FLOT2: variants seen among roughly 807,000 people sequenced by gnomAD.
The protein encoded by FLOT2 is flotillin-2.
FLOT2 carries 35 observed loss-of-function variants against 54.9 expected under a neutral mutation model. The observed-to-expected ratio is 0.64, with a 90% CI of 0.49 to 0.84. The LOEUF (loss-of-function observed/expected upper bound fraction) is 0.84, where lower values mean the gene tolerates loss of function less well. Ranked by LOEUF, FLOT2 falls within the 40% of genes least tolerant of loss-of-function variation. The pLI, the probability that FLOT2 is intolerant of heterozygous loss-of-function variation, is 0.00. For missense variants in FLOT2, 464 were observed against 572.1 expected (o/e 0.81, Z 1.93); for synonymous variants, 207 against 228.9 (o/e 0.90, Z 0.86).
Position 28,883,570 on chromosome 17 carries a change from G to A in FLOT2, c.223-339C>T, listed in dbSNP as rs1479517291. On this transcript the variant is annotated intron_variant, in intron 3 of 10. Coordinates refer to ENST00000394908, the MANE Select transcript of FLOT2 (RefSeq NM_004475.3). This position sits in a 1 kb window ranked among gnomAD's most constrained non-coding sequence, Gnocchi z 5.0. ...ACACGTGGGAGACCCTCAGGCTGAGGGGCAGAGAGTATGAGAAGCAGAATG... is the reference window on the plus strand; with the variant it reads ...ACACGTGGGAGACCCTCAGGCTGAGAGGCAGAGAGTATGAGAAGCAGAATG... Among the ~76,000 whole-genome samples, 1 of 152,128 alleles carries A rather than the reference G, an allele frequency of 6.6e-6. No homozygotes were observed. The highest frequency in any genetic ancestry group is 2.4e-5 in the African/African-American group (1 of 41,414).
rs2039598072 is a variant in FLOT2, at chr17:28,888,971, G to A, written c.105C>T (p.Ala35=). 1 of 1,613,932 alleles carries A rather than the reference G, an allele frequency of 6.2e-7. No individual in the cohort carries two copies. Among genetic ancestry groups the A allele is most frequent in the Admixed American group, 1.7e-5 (1 of 59,994 alleles). The change falls in exon 2 of 11, where the codon GCC becomes GCT. Residue 35 remains alanine (A), a synonymous_variant. Coordinates refer to ENST00000394908, the MANE Select transcript of FLOT2 (RefSeq NM_004475.3). ...TCTGAGTGTCGGAGATACACCACCA[G>A]GCCCAGGCCCAGCCGCCAAACACGT... ...KQYVFGGWAW[A]WWCISDTQRI... is the part of the protein sequence containing the mutation.
At chr17:28,895,142 GCCT>G (rs1443816431) in intron 1 of FLOT2, among the ~76,000 whole-genome samples, 2 of 151,714 alleles carry the variant, frequency 1.3e-5, no homozygotes, top group Non-Finnish European at 2.9e-5. Flanking sequence ...CAAACTCCTG[GCCT>G]CGAGTGATCC....
intron 8 of FLOT2, 76 bp from the exon 9 acceptor site, chr17:28,881,451 C>A: frequency 1.4e-6 from 2 of 1,439,078 alleles, no homozygotes; most frequent in Middle Eastern, 1.8e-4. Flanking sequence ...GGCCAGCAAA[C>A]CTTCAAACCC....
chr17:28,884,099 G>T lies in FLOT2; in HGVS notation c.222+126C>A. The stretch of plus-strand genomic sequence containing the variant: ...CGACCTGACTAGCCCTCTCTTGTGG[G>T]ACTTGCGGGGGCTGGGGTGCTGGAG... On this transcript the variant is annotated intron_variant, in intron 3 of 10. Transcript: ENST00000394908. The surrounding 1 kb of genome is among the most constrained non-coding windows in gnomAD (Gnocchi z 5.1). 1.3e-6 allele frequency: 1 copy of T among 757,800 alleles called. No individual in the cohort carries two copies. The allele number at this position is 757,800 out of a possible 1,614,324, so 46.9% of individuals were successfully genotyped here.
intron 1 of FLOT2, among the ~76,000 whole-genome samples, chr17:28,896,889 C>T (rs966390769): frequency 1.1e-4 from 16 of 152,196 alleles, no homozygotes; most frequent in Admixed American, 6.5e-5. Context: ...CCCAGTACCG[C>T]AGTCCCCATG....
rs755423739 is a variant in FLOT2 at position 28,882,541 on chromosome 17, G to A, written c.465+32C>T. On this transcript the variant is annotated intron_variant, in intron 5 of 10. Transcript: ENST00000394908. This position sits in a 1 kb window ranked among gnomAD's most constrained non-coding sequence, Gnocchi z 5.6. ...CAAAGCCACCATCTCCCAGATGGAC[G>A]CCAGGAGATACAGCTTCCCATCACG... 45 of 1,578,376 alleles carry A rather than the reference G, an allele frequency of 2.9e-5. No individual in the cohort carries two copies. Among genetic ancestry groups the A allele is most frequent in the African/African-American group, 2.0e-4 (15 of 74,256 alleles).
intron 1 of FLOT2, among the ~76,000 whole-genome samples, chr17:28,895,912 G>A (rs2039733486): frequency 6.6e-6 from 1 of 152,176 alleles, no homozygotes; most frequent in Admixed American, 6.5e-5. Context: ...CTTAGACACA[G>A]GTCCAAGGAG....
rs953788381 is a variant in FLOT2 at position 28,882,227 on chromosome 17, C to A, written c.590G>T (p.Cys197Phe). ...ERDAGIREAE[C>F]KKEMLDVKFM... ...CTTCACATCCAGCATCTCCTTCTTGCACTCAGCTTCCTGGGGACAAAAGGG... is the reference window on the plus strand; with the variant it reads ...CTTCACATCCAGCATCTCCTTCTTGAACTCAGCTTCCTGGGGACAAAAGGG... Residue 197 changes from cysteine to phenylalanine, a missense_variant, in exon 7 of 11, where the codon TGC becomes TTC. Coordinates refer to ENST00000394908, the MANE Select transcript of FLOT2 (RefSeq NM_004475.3). The surrounding 1 kb of genome is among the most constrained non-coding windows in gnomAD (Gnocchi z 5.6). 1.2e-6 allele frequency: 2 copies of A among 1,614,210 alleles called. No individual in the cohort carries two copies. Among genetic ancestry groups the A allele is most frequent in the African/African-American group, 2.7e-5 (2 of 75,064 alleles).
rs1445177305 is a variant in FLOT2, at chr17:28,880,724, C to A, written c.1237G>T (p.Asp413Tyr). 6.2e-7 allele frequency: 1 copy of A among 1,614,230 alleles called. No homozygotes were observed. Among genetic ancestry groups the A allele is most frequent in the East Asian group, 2.2e-5 (1 of 44,894 alleles). ...AGGCAGGCACATACCTTAGACAGGT[C>A]CACGCCTGTGAGGGCATGCACAGAG... Reference protein sequence around the residue: ...PASVHALTGVDLSKIPLIKKA... With the variant: ...PASVHALTGVYLSKIPLIKKA... Residue 413 changes from aspartate to tyrosine, a missense_variant, in exon 10 of 11, where the codon GAC becomes TAC. Asp to Tyr is a radical substitution (Grantham distance 160, BLOSUM62 -3). Coordinates refer to ENST00000394908, the MANE Select transcript of FLOT2 (RefSeq NM_004475.3).
chr17:28,880,462 G>C lies in FLOT2; in HGVS notation c.*99C>G. On this transcript the variant is annotated 3_prime_UTR_variant, in exon 11 of 11. Coordinates refer to ENST00000394908, the MANE Select transcript of FLOT2 (RefSeq NM_004475.3). ...AGCACTTCTGGTCCCTTCGAGATAA[G>C]GCACCAGAGTCAGTAACGTTCCCGT... 2 of 1,543,048 alleles carry C rather than the reference G, an allele frequency of 1.3e-6. No individual in the cohort carries two copies. Among genetic ancestry groups the C allele is most frequent in the Non-Finnish European group, 1.7e-6 (2 of 1,144,596 alleles).
In FLOT2 at chr17:28,883,291, A is replaced by G; in HGVS notation, c.223-60T>C. On this transcript the variant is annotated intron_variant, in intron 3 of 10. Coordinates refer to ENST00000394908, the MANE Select transcript of FLOT2 (RefSeq NM_004475.3). This position sits in a 1 kb window ranked among gnomAD's most constrained non-coding sequence, Gnocchi z 5.0. The stretch of plus-strand genomic sequence containing the variant: ...GGAGCGAGGCAGACAAAGGCCCCAG[A>G]CCCAGAGGTAGGCAGGATGGTGGCT... 1 of 1,605,910 alleles carries G rather than the reference A, an allele frequency of 6.2e-7. No homozygotes were observed. Among genetic ancestry groups the G allele is most frequent in the African/African-American group, 1.3e-5 (1 of 74,828 alleles).
rs1235475184 is a variant in FLOT2 at position 28,884,747 on chromosome 17, G to C, written c.132-432C>G. 1.3e-5 allele frequency among the ~76,000 whole-genome samples: 2 copies of C among 152,148 alleles called. No homozygotes were observed. Among genetic ancestry groups the C allele is most frequent in the Non-Finnish European group, 2.9e-5 (2 of 68,008 alleles). ...CACAGGGGCCCTTGCCCATTCCTTG[G>C]TCTACCCAGCACCCCAGGGTGCCCC... On this transcript the variant is annotated intron_variant, in intron 2 of 10. Coordinates refer to ENST00000394908, the MANE Select transcript of FLOT2 (RefSeq NM_004475.3). The surrounding 1 kb of genome is among the most constrained non-coding windows in gnomAD (Gnocchi z 5.1).
At chr17:28,885,541 C>A (rs1410366869) in intron 2 of FLOT2, 11 of 714,584 alleles carry the variant, frequency 1.5e-5, no homozygotes, top group Non-Finnish European at 2.9e-5. Context: ...TAATTAACAC[C>A]CAAGCCCAAG....
At chr17:28,893,550 C>T (rs2039689273) in intron 1 of FLOT2, among the ~76,000 whole-genome samples, 1 of 152,066 alleles carries the variant, frequency 6.6e-6, no homozygotes, top group Admixed American at 6.6e-5. Flanking sequence ...CATCGCAATG[C>T]CTGTCTAATT....
At chr17:28,886,051 C>G in intron 2 of FLOT2, 18 of 410,408 alleles carry the variant, frequency 4.4e-5, no homozygotes, top group South Asian at 9.8e-5. Flanking sequence ...TGCCTGACGC[C>G]TGGGGGCGGG....
chr17:28,895,641 C>T (rs1277265408), intron 1 of FLOT2, among the ~76,000 whole-genome samples: 2 of 152,174 alleles, frequency 1.3e-5, no homozygotes, highest in Non-Finnish European at 2.9e-5. Flanking sequence ...TTGTTGCCAA[C>T]ATTCATAATC....
chr17:28,890,425 C>A (rs916216938), intron 1 of FLOT2, among the ~76,000 whole-genome samples: 3 of 147,378 alleles, frequency 2.0e-5, no homozygotes, highest in Admixed American at 6.8e-5. Context: ...CTCGCTCTGT[C>A]GCCCAGGCTG....
chr17:28,894,740 G>A (rs1006368754), intron 1 of FLOT2, among the ~76,000 whole-genome samples: 2 of 144,604 alleles, frequency 1.4e-5, no homozygotes, highest in African/African-American at 5.2e-5. Flanking sequence ...GCTGCAGTGA[G>A]CTGTGATCAT....
Position 28,880,847 on chromosome 17 carries a change from C to T in FLOT2, c.1114G>A (p.Ala372Thr), listed in dbSNP as rs1422137416. The change falls in exon 10 of 11, where the codon GCT becomes ACT. Residue 372 changes from alanine (A) to threonine (T), a missense_variant. Coordinates refer to ENST00000394908, the MANE Select transcript of FLOT2 (RefSeq NM_004475.3). ...TCATCGACCTTGGTAAGTGGGGCAGCGATTTTGGCAGCAATCTAGGAGGTA... is the reference window on the plus strand; with the variant it reads ...TCATCGACCTTGGTAAGTGGGGCAGTGATTTTGGCAGCAATCTAGGAGGTA... ...EALPQIAAKIAAPLTKVDEIV... is the reference protein window; with the variant it reads ...EALPQIAAKITAPLTKVDEIV... 1.7e-5 allele frequency: 27 copies of T among 1,613,932 alleles called. No homozygotes were observed. Among genetic ancestry groups the T allele is most frequent in the Non-Finnish European group, 2.1e-5 (25 of 1,180,022 alleles).
Sources: gnomAD v4.1 joint callset for allele counts (sites outside exome capture counted in the v4.1 genomes callset) on GRCh38, gnomAD v4.1.1 for gene constraint, Gnocchi (gnomAD v3.1) non-coding constraint, MANE v1.5 for transcripts, NCBI Gene and HGNC (gene_info 2026-07-23, HGNC 2026-07-21) for gene names.